Variants in UBE2O observed in about 807,000 individuals in gnomAD.
The protein encoded by UBE2O is (E3-independent) E2 ubiquitin-conjugating enzyme.
In UBE2O, 15 loss-of-function variants were observed where a neutral mutation model predicts 125.8. The ratio of observed to expected loss-of-function variants is 0.12; its 90% CI spans 0.08 to 0.18. The LOEUF is 0.18. Among genes scored for constraint, UBE2O ranks in the 10% least tolerant of loss-of-function variants. The probability of loss-of-function intolerance (pLI) is 1.00; values close to 1 mark genes in which losing one functional copy is unlikely to be tolerated. For missense variants in UBE2O, 1,280 were observed against 1,723.6 expected, an observed-to-expected ratio of 0.74 and a Z score of 4.56; for synonymous variants, 708 against 703.2, an observed-to-expected ratio of 1.01 and a Z score of -0.11.
At chr17:76,447,886 A>G (rs894603476) in intron 1 of UBE2O, among the ~76,000 whole-genome samples, 1 of 152,188 alleles carries the variant, frequency 6.6e-6, no homozygotes, top group Non-Finnish European at 1.5e-5. Context: ...TCTGACAGAC[A>G]TCAGAATGCT....
intron 1 of UBE2O, among the ~76,000 whole-genome samples, chr17:76,428,173 C>G (rs150746827): frequency 3.6e-4 from 55 of 152,308 alleles, no homozygotes; most frequent in African/African-American, 1.2e-3. Context: ...GTTGAAAAAT[C>G]CAATCCATCT....
At chr17:76,421,034 T>C (rs2072702413) in intron 1 of UBE2O, among the ~76,000 whole-genome samples, 1 of 152,142 alleles carries the variant, frequency 6.6e-6, no homozygotes, top group Non-Finnish European at 1.5e-5. Context: ...CATAGCAGCA[T>C]GTATTTGGGC....
At chr17:76,447,525 G>T (rs2073170113) in intron 1 of UBE2O, among the ~76,000 whole-genome samples, 1 of 152,146 alleles carries the variant, frequency 6.6e-6, no homozygotes. Flanking sequence ...CCAGTCTTGA[G>T]AATTTCAAGA....
chr17:76,417,832 T>A (rs1179323798), intron 1 of UBE2O, among the ~76,000 whole-genome samples: 2 of 152,162 alleles, frequency 1.3e-5, no homozygotes. Flanking sequence ...CGAAGAGACG[T>A]CTGGGTGAAG....
At position 76,452,847 on chromosome 17, in the gene UBE2O, A is replaced by C. The variant is rs2073279194; in HGVS notation, c.295T>G (p.Ser99Ala). 6.7e-7 allele frequency: 1 copy of C among 1,503,412 alleles called. No individual in the cohort carries two copies. Among genetic ancestry groups the C allele is most frequent in the Admixed American group, 2.2e-5 (1 of 45,216 alleles). 93.1% of individuals were successfully genotyped at this position (1,503,412 alleles called of 1,614,324 possible). A position where few individuals can be genotyped will look rare whatever the true frequency, so the allele number is the denominator to read the frequency against. ...GCGCCCCCGGCCTCGGAGCACCCCGAGCTCCCGCGGCCCTCCTCCTCGCCC... is the reference window on the plus strand; with the variant it reads ...GCGCCCCCGGCCTCGGAGCACCCCGCGCTCCCGCGGCCCTCCTCCTCGCCC... Reference protein sequence around the residue: ...SEGEEEGRGSSGCSEAGGAGH... With the variant: ...SEGEEEGRGSAGCSEAGGAGH... The change falls in exon 1 of 18, where the codon TCG (serine) becomes GCG (alanine). Residue 99 changes from serine to alanine, a missense_variant. Coordinates refer to ENST00000319380, the MANE Select transcript of UBE2O (RefSeq NM_022066.4). The surrounding 1 kb of genome is among the most constrained non-coding windows in gnomAD (Gnocchi z 4.4).
At chr17:76,431,078 G>A in intron 1 of UBE2O, 1 of 185,150 alleles carries the variant, frequency 5.4e-6, no homozygotes, top group Non-Finnish European at 1.1e-5. Context: ...TTTCCCAAGG[G>A]TTTCTGGCAC....
chr17:76,397,746 G>C, intron 13 of UBE2O, 53 bp downstream of exon 13: 2 of 1,577,410 alleles, frequency 1.3e-6, no homozygotes, highest in Non-Finnish European at 1.7e-6. Context: ...GTGGCCCCCG[G>C]CCCAAGTTGC....
chr17:76,419,101 T>C (rs2072664665), intron 1 of UBE2O, among the ~76,000 whole-genome samples: 3 of 149,172 alleles, frequency 2.0e-5, no homozygotes, highest in South Asian at 4.3e-4. Context: ...CTGGGCAACC[T>C]AGTGAGACCC....
In UBE2O at chr17:76,392,052, A is replaced by G; in HGVS notation, c.3008T>C (p.Leu1003Ser). 6.4e-7 allele frequency: 1 copy of G among 1,555,794 alleles called. No individual in the cohort carries two copies. Among genetic ancestry groups the G allele is most frequent in the Non-Finnish European group, 8.7e-7 (1 of 1,152,002 alleles). The change falls in exon 16 of 18, where the codon TTG becomes TCG. Residue 1003 changes from leucine (L) to serine (S), a missense_variant. This residue lies in a region of UBE2O where 37 missense variants were observed against 115.6 expected (regional missense o/e 0.32). Coordinates refer to ENST00000319380, the MANE Select transcript of UBE2O (RefSeq NM_022066.4). ...TRTPYEDGLYLFDIQLPNIYP... is the reference protein window; with the variant it reads ...TRTPYEDGLYSFDIQLPNIYP... ...GATGTTGGGGAGCTGGATGTCAAAC[A>G]AGTAGAGGCCATCCTCGTAGGGGGT...
intron 1 of UBE2O, among the ~76,000 whole-genome samples, chr17:76,420,738 G>A (rs536544911): frequency 6.6e-6 from 1 of 152,174 alleles, no homozygotes; most frequent in Admixed American, 6.5e-5. Flanking sequence ...TCCTGGGATC[G>A]AGTGCAAGCT....
At chr17:76,449,269 G>A (rs1427247347) in intron 1 of UBE2O, among the ~76,000 whole-genome samples, 1 of 152,214 alleles carries the variant, frequency 6.6e-6, no homozygotes, top group Non-Finnish European at 1.5e-5. Flanking sequence ...ACATTAAATA[G>A]ATACTACTAA....
Position 76,398,280 on chromosome 17 carries a change from T to A in UBE2O, c.2000A>T (p.Asp667Val), listed in dbSNP as rs1567832767. 1 of 1,614,034 alleles carries A rather than the reference T, an allele frequency of 6.2e-7. No individual in the cohort carries two copies. The highest frequency in any genetic ancestry group is 1.1e-5 in the South Asian group (1 of 91,078). ...CTCATCCTCCTTGTGAGGAGCCCCA[T>A]CCTCAGTATTGCCGATGCGGATGAC... ...DIVIRIGNTE[D>V]GAPHKEDEPS... The change falls in exon 12 of 18, where the codon GAT becomes GTT. Residue 667 changes from aspartate (D) to valine (V), a missense_variant. Asp to Val is a radical substitution (Grantham distance 152, BLOSUM62 -3). This residue lies in a region of UBE2O where 210 missense variants were observed against 268.9 expected (regional missense o/e 0.78). Transcript: ENST00000319380. The surrounding 1 kb of genome is among the most constrained non-coding windows in gnomAD (Gnocchi z 5.4).
At position 76,400,152 on chromosome 17, in the gene UBE2O, T is replaced by G; in HGVS notation, c.1150A>C (p.Lys384Gln). ...CCCCAACCCCAAGGACATACCTTCT[T>G]GGCCATAGAGCCCTCCCCCTGGGCG... is the stretch of plus-strand genomic sequence containing the variant. ...NCAQGEGSMA[K>Q]KVKRLLKKQV... is the part of the protein sequence containing the mutation. Residue 384 changes from lysine to glutamine, a missense_variant, in exon 8 of 18, where the codon AAG (lysine) becomes CAG (glutamine). Physicochemically the swap from Lys to Gln is moderately conservative, Grantham distance 53. Around this residue, in one of 10 missense-constraint regions of UBE2O, gnomAD observed 141 missense variants for 141.3 expected, o/e 1.00. Coordinates refer to ENST00000319380, the MANE Select transcript of UBE2O (RefSeq NM_022066.4). This position sits in a 1 kb window ranked among gnomAD's most constrained non-coding sequence, Gnocchi z 4.3. The G allele has an allele frequency of 6.2e-7, 1 of 1,613,764 alleles. No homozygotes were observed. Among genetic ancestry groups the G allele is most frequent in the Non-Finnish European group, 8.5e-7 (1 of 1,179,812 alleles).
In UBE2O at chr17:76,452,815, G is replaced by T. The variant is rs1478292453; in HGVS notation, c.327C>A (p.His109Gln). The T allele has an allele frequency of 2.0e-6, 3 of 1,510,476 alleles. No individual in the cohort carries two copies. In the African/African-American group the frequency reaches 4.3e-5, roughly 22 times the overall value. The allele number at this position is 1,510,476 out of a possible 1,614,324, so 93.6% of individuals were successfully genotyped here. A position where few individuals can be genotyped will look rare whatever the true frequency, so the allele number is the denominator to read the frequency against. The stretch of plus-strand genomic sequence containing the variant: ...GCAGGGGGCTGGCCCGGCCCTCCTC[G>T]TGGCCCGCGCCCCCGGCCTCGGAGC... The part of the protein sequence containing the change: ...SGCSEAGGAG[H>Q]EEGRASPLRR... Residue 109 changes from histidine to glutamine, a missense_variant, in exon 1 of 18, where the codon CAC becomes CAA. Physicochemically the swap from His to Gln is conservative, Grantham distance 24 (BLOSUM62 0). Around this residue, in one of 10 missense-constraint regions of UBE2O, gnomAD observed 188 missense variants for 192.5 expected, o/e 0.98. Coordinates refer to ENST00000319380, the MANE Select transcript of UBE2O (RefSeq NM_022066.4). The surrounding 1 kb of genome is among the most constrained non-coding windows in gnomAD (Gnocchi z 4.4).
chr17:76,445,626 T>C (rs1178130906), intron 1 of UBE2O, among the ~76,000 whole-genome samples: 1 of 152,232 alleles, frequency 6.6e-6, no homozygotes, highest in African/African-American at 2.4e-5. Flanking sequence ...ATCCATCCAA[T>C]ACAGTCAGCC....
At chr17:76,415,795 C>CTGTG (rs34127040) in intron 1 of UBE2O, among the ~76,000 whole-genome samples, 4,005 of 143,244 alleles carry the variant, frequency 0.028, 54 homozygotes, top group African/African-American at 0.035. Context: ...CAGAGCAAGA[C>CTGTG]TGTGTGTGTG....
Position 76,399,179 on chromosome 17 carries a change from A to G in UBE2O, c.1629-188T>C. 1.2e-6 allele frequency: 1 copy of G among 817,530 alleles called. No individual in the cohort carries two copies. The highest frequency in any genetic ancestry group is 1.9e-6 in the Non-Finnish European group (1 of 534,520). 50.6% of individuals were successfully genotyped at this position (817,530 alleles called of 1,614,324 possible). On this transcript the variant is annotated intron_variant, in intron 9 of 17. Coordinates refer to ENST00000319380, the MANE Select transcript of UBE2O (RefSeq NM_022066.4). This position sits in a 1 kb window ranked among gnomAD's most constrained non-coding sequence, Gnocchi z 6.9. The stretch of plus-strand genomic sequence containing the variant: ...GTTCCAAGGCCACGCATTCTCTGAG[A>G]ACAGGATCCACTTGGGAGAGCTCAG...
chr17:76,426,238 C>T (rs543956201), intron 1 of UBE2O, among the ~76,000 whole-genome samples: 43 of 152,220 alleles, frequency 2.8e-4, no homozygotes, highest in Admixed American at 4.6e-4. Context: ...GGGGCTCAAG[C>T]GATCCTCCTG....
At chr17:76,444,315 G>A (rs897624992) in intron 1 of UBE2O, among the ~76,000 whole-genome samples, 4 of 152,182 alleles carry the variant, frequency 2.6e-5, no homozygotes, top group Admixed American at 2.6e-4. Context: ...TTGGGAAGCT[G>A]AAGTGGGAGG....
Sources: gnomAD v4.1 joint callset for allele counts (sites outside exome capture counted in the v4.1 genomes callset) on GRCh38, gnomAD v4.1.1 for gene constraint, gnomAD v4.1.1 regional missense constraint, Gnocchi (gnomAD v3.1) non-coding constraint, MANE v1.5 for transcripts, NCBI Gene and HGNC (gene_info 2026-07-23, HGNC 2026-07-21) for gene names.